The following NEGR1 variants were observed in gnomAD, a reference collection of about 807,000 sequenced individuals.
The protein encoded by NEGR1 is IgLON family member 4.
A neutral mutation model predicts 40.9 loss-of-function variants in NEGR1; 10 were observed. The observed-to-expected ratio is 0.24, with a 90% CI of 0.15 to 0.42. NEGR1 has a LOEUF of 0.42. Among genes scored for constraint, NEGR1 ranks in the 10% least tolerant of loss-of-function variants. NEGR1 has a pLI of 1.00. For missense variants in NEGR1, 352 were observed against 438.9 expected (o/e 0.80, Z 1.77); for synonymous variants, 185 against 166.8 (o/e 1.11, Z -0.84).
intron 2 of NEGR1, among the ~76,000 whole-genome samples, chr1:71,858,549 A>G (rs1267863876): frequency 6.6e-6 from 1 of 152,070 alleles, no homozygotes; most frequent in Non-Finnish European, 1.5e-5. Flanking sequence ...GAAGAAAAGT[A>G]AAGAGAATCT....
chr1:71,474,027 G>A (rs919255130), intron 6 of NEGR1, among the ~76,000 whole-genome samples: 1 of 151,978 alleles, frequency 6.6e-6, no homozygotes, highest in African/African-American at 2.4e-5. Context: ...TCTATAATGT[G>A]CAGAAGTGCT....
chr1:71,783,249 T>C (rs929594655), intron 2 of NEGR1, among the ~76,000 whole-genome samples: 1 of 152,142 alleles, frequency 6.6e-6, no homozygotes, highest in African/African-American at 2.4e-5. Flanking sequence ...AAGAACATCC[T>C]TCCTTTCACT....
chr1:71,529,637 A>G (rs1039414125), intron 6 of NEGR1, among the ~76,000 whole-genome samples: 6 of 151,180 alleles, frequency 4.0e-5, no homozygotes, highest in Non-Finnish European at 5.9e-5. Context: ...AATAGAAATG[A>G]TTTATGTCAT....
intron 1 of NEGR1, among the ~76,000 whole-genome samples, chr1:72,046,586 G>T (rs1348888401): frequency 6.6e-6 from 1 of 151,592 alleles, no homozygotes; most frequent in African/African-American, 2.4e-5. Context: ...GGCAGCAAAT[G>T]AAATAATCTT....
At chr1:71,499,786 A>T (rs2101398854) in intron 6 of NEGR1, among the ~76,000 whole-genome samples, 1 of 152,102 alleles carries the variant, frequency 6.6e-6, no homozygotes, top group African/African-American at 2.4e-5. Context: ...ATCTATTGTG[A>T]TAGAAAAATA....
chr1:71,641,222 T>C lies in NEGR1; in HGVS notation c.668-30076A>G, dbSNP rs12060036. On this transcript the variant is annotated intron_variant, in intron 4 of 6. Coordinates refer to ENST00000357731, the MANE Select transcript of NEGR1 (RefSeq NM_173808.3). ...CAGCTTTCTTGTTAGTGCATCAGCT[T>C]TATAGACAGCCTATTTGATTGAAAA... 2.0e-5 allele frequency among the ~76,000 whole-genome samples: 3 copies of C among 152,058 alleles called. No homozygotes were observed. The East Asian group carries it at 5.8e-4, about 29-fold the overall frequency.
chr1:71,587,518 A>C (rs546303625), intron 6 of NEGR1, among the ~76,000 whole-genome samples: 44 of 152,240 alleles, frequency 2.9e-4, no homozygotes, highest in African/African-American at 9.9e-4. Context: ...TAAAATTGGG[A>C]CTTCATTATT....
At chr1:71,999,682 T>TAA (rs1317765700) in intron 1 of NEGR1, among the ~76,000 whole-genome samples, 1 of 91,720 alleles carries the variant, frequency 1.1e-5, no homozygotes, top group Non-Finnish European at 2.2e-5. Flanking sequence ...TATATATACA[T>TAA]ACATATTTTT....
chr1:71,783,249 T>TAA (rs1319443612), intron 2 of NEGR1, among the ~76,000 whole-genome samples: 1 of 152,142 alleles, frequency 6.6e-6, no homozygotes, highest in East Asian at 1.9e-4. Flanking sequence ...AAGAACATCC[T>TAA]TCCTTTCACT....
intron 1 of NEGR1, among the ~76,000 whole-genome samples, chr1:72,023,887 C>T (rs1316593893): frequency 1.3e-5 from 2 of 152,066 alleles, no homozygotes; most frequent in African/African-American, 2.4e-5. Flanking sequence ...CCTTGACACA[C>T]TGTACTGTTT....
chr1:72,128,712 G>GGGGTGCCCAAATATTT (rs1553143118), intron 1 of NEGR1, among the ~76,000 whole-genome samples: 1 of 152,004 alleles, frequency 6.6e-6, no homozygotes, highest in African/African-American at 2.4e-5. Context: ...ACCGAACCAA[G>GGGGTGCCCAAATATTT]GGGTGCCCAA....
At chr1:71,585,690 T>C (rs1399639822) in intron 6 of NEGR1, among the ~76,000 whole-genome samples, 2 of 137,298 alleles carry the variant, frequency 1.5e-5, no homozygotes, top group East Asian at 4.2e-4. Flanking sequence ...CTCTCCATCT[T>C]TTTTTTTTTT....
intron 3 of NEGR1, among the ~76,000 whole-genome samples, chr1:71,775,767 A>G (rs956968374): frequency 6.6e-6 from 1 of 151,990 alleles, no homozygotes; most frequent in Non-Finnish European, 1.5e-5. Flanking sequence ...CAAGTTGAGC[A>G]GATGACTTGA....
chr1:71,870,951 G>C (rs1052878283), intron 2 of NEGR1, among the ~76,000 whole-genome samples: 30 of 152,112 alleles, frequency 2.0e-4, no homozygotes, highest in Admixed American at 1.4e-3. Context: ...CACCCTGAAG[G>C]CTAGAATACT....
chr1:71,600,415 T>C (rs917611511), intron 5 of NEGR1, among the ~76,000 whole-genome samples: 26 of 152,162 alleles, frequency 1.7e-4, no homozygotes, highest in African/African-American at 6.3e-4. Flanking sequence ...CCCATGAGGG[T>C]ACATTTGAAG....
intron 6 of NEGR1, among the ~76,000 whole-genome samples, chr1:71,547,358 A>T (rs373846191): frequency 1.3e-5 from 2 of 151,782 alleles, no homozygotes; most frequent in East Asian, 2.0e-4. Context: ...AATTAATTGG[A>T]AATGAGAGCA....
chr1:71,919,454 T>C (rs762110796), intron 2 of NEGR1, among the ~76,000 whole-genome samples: 1 of 152,188 alleles, frequency 6.6e-6, no homozygotes, highest in African/African-American at 2.4e-5. Flanking sequence ...AAATTCTCTA[T>C]TAGCTAATCT....
chr1:71,831,744 G>T (rs55877165), intron 2 of NEGR1, among the ~76,000 whole-genome samples: 3,675 of 151,736 alleles, frequency 0.024, 163 homozygotes, highest in African/African-American at 0.085. Context: ...TTGGTCCCTG[G>T]GGATGTAGGA....
intron 6 of NEGR1, among the ~76,000 whole-genome samples, chr1:71,458,600 T>G (rs1359962769): frequency 2.0e-5 from 3 of 152,216 alleles, no homozygotes; most frequent in African/African-American, 7.2e-5. Context: ...CATAAGCATC[T>G]TGGAGGTTGG....
Sources: gnomAD v4.1 joint callset for allele counts (sites outside exome capture counted in the v4.1 genomes callset) on GRCh38, gnomAD v4.1.1 for gene constraint, MANE v1.5 for transcripts, NCBI Gene and HGNC (gene_info 2026-07-23, HGNC 2026-07-21) for gene names.